The following UNC5D variants were observed in gnomAD, a reference collection of about 807,000 sequenced individuals.
UNC5D encodes the protein netrin receptor UNC5D.
Under a neutral mutation model 105.4 loss-of-function variants are expected in UNC5D, and 39 were observed. The ratio of observed to expected loss-of-function variants is 0.37; its 90% CI spans 0.29 to 0.48. The LOEUF (loss-of-function observed/expected upper bound fraction) is 0.48, where lower values mean the gene tolerates loss of function less well. Ranked by LOEUF, UNC5D falls within the 20% of genes least tolerant of loss-of-function variation. The pLI, the probability that UNC5D is intolerant of heterozygous loss-of-function variation, is 0.98. For synonymous variants in UNC5D, 452 were observed against 450.4 expected, an observed-to-expected ratio of 1.00 and a Z score of -0.04; for missense variants, 991 against 1,202.4, an observed-to-expected ratio of 0.82 and a Z score of 2.60.
intron 1 of UNC5D, among the ~76,000 whole-genome samples, chr8:35,487,142 C>A (rs917370113): frequency 2.0e-5 from 3 of 152,174 alleles, no homozygotes; most frequent in African/African-American, 7.2e-5. Flanking sequence ...ACCATGGCTG[C>A]TGATCTTGTA....
At chr8:35,779,699 G>A (rs183942005) in intron 16 of UNC5D, among the ~76,000 whole-genome samples, 16 of 152,188 alleles carry the variant, frequency 1.1e-4, no homozygotes, top group Admixed American at 1.3e-4. Context: ...CAAGTAATCC[G>A]CCTGCCTCGG....
At chr8:35,752,760 A>G (rs1220358757) in intron 13 of UNC5D, among the ~76,000 whole-genome samples, 1 of 152,220 alleles carries the variant, frequency 6.6e-6, no homozygotes, top group African/African-American at 2.4e-5. Context: ...CACTACTACT[A>G]CTAACCAGTT....
chr8:35,260,920 G>A (rs1804448454), intron 1 of UNC5D, among the ~76,000 whole-genome samples: 1 of 152,148 alleles, frequency 6.6e-6, no homozygotes, highest in South Asian at 2.1e-4. Context: ...ACTGATGACT[G>A]TTTCCAGAAT....
chr8:35,347,328 C>T (rs777825037), intron 1 of UNC5D, among the ~76,000 whole-genome samples: 1 of 151,838 alleles, frequency 6.6e-6, no homozygotes, highest in South Asian at 2.1e-4. Context: ...GCTTTATAGC[C>T]CAACCAAACT....
rs75946894 is a variant in UNC5D, at chr8:35,431,115, A to C, written c.104-118177A>C. Reference sequence around the variant, plus strand: ...TGTTAACCAATTGTTATAAACTGTTAATAAGATAAACCAGGAATCTTTATT... The same window carrying C: ...TGTTAACCAATTGTTATAAACTGTTCATAAGATAAACCAGGAATCTTTATT... On this transcript the variant is annotated intron_variant, in intron 1 of 16. Transcript: ENST00000404895. Among the ~76,000 whole-genome samples the C allele has an allele frequency of 1.5e-4, 23 of 152,336 alleles. No individual in the cohort carries two copies. In the East Asian group the frequency reaches 4.2e-3, roughly 28 times the overall value.
chr8:35,676,806 AGC>A (rs1825258510), intron 4 of UNC5D, among the ~76,000 whole-genome samples: 2 of 152,120 alleles, frequency 1.3e-5, no homozygotes, highest in African/African-American at 4.8e-5. Context: ...TAGGGCATTG[AGC>A]TCCTCTTTGT....
At chr8:35,267,082 ATT>A (rs36035512) in intron 1 of UNC5D, among the ~76,000 whole-genome samples, 37 of 137,184 alleles carry the variant, frequency 2.7e-4, no homozygotes, top group Admixed American at 2.9e-4. Flanking sequence ...ACAGGGACTG[ATT>A]TTTTTTTTTT....
At chr8:35,333,792 A>C (rs1810818019) in intron 1 of UNC5D, among the ~76,000 whole-genome samples, 1 of 152,112 alleles carries the variant, frequency 6.6e-6, no homozygotes, top group Non-Finnish European at 1.5e-5. Context: ...TGTTTGTTTT[A>C]ATCATGATTT....
In UNC5D at chr8:35,792,608, G is replaced by A. The variant is rs370124433; in HGVS notation, c.*2045G>A. ...TAGAATTTCTGAAAGAGAAAGAGAAGTAGATGGTCAACCAGTCACTAGTTG... is the reference window on the plus strand; with the variant it reads ...TAGAATTTCTGAAAGAGAAAGAGAAATAGATGGTCAACCAGTCACTAGTTG... On this transcript the variant is annotated 3_prime_UTR_variant, in exon 17 of 17. Coordinates refer to ENST00000404895, the MANE Select transcript of UNC5D (RefSeq NM_080872.4). The A allele has an allele frequency of 6.4e-6, 1 of 156,380 alleles. No individual in the cohort carries two copies. The highest frequency in any genetic ancestry group is 1.4e-5 in the Non-Finnish European group (1 of 71,064). The allele number at this position is 156,380 out of a possible 1,614,324, so 9.7% of individuals were successfully genotyped here. A position where few individuals can be genotyped will look rare whatever the true frequency, so the allele number is the denominator to read the frequency against.
At chr8:35,586,853 C>T (rs1295140387) in intron 3 of UNC5D, among the ~76,000 whole-genome samples, 4 of 152,038 alleles carry the variant, frequency 2.6e-5, no homozygotes, top group Non-Finnish European at 4.4e-5. Flanking sequence ...TTGAATGAGC[C>T]GATAACTCCC....
chr8:35,463,612 C>G (rs1809062361), intron 1 of UNC5D, among the ~76,000 whole-genome samples: 3 of 147,716 alleles, frequency 2.0e-5, no homozygotes, highest in Admixed American at 2.0e-4. Flanking sequence ...AAGACCCTAT[C>G]TCTATCAAAA....
At chr8:35,770,636 T>C (rs1034595411) in intron 15 of UNC5D, among the ~76,000 whole-genome samples, 1 of 152,188 alleles carries the variant, frequency 6.6e-6, no homozygotes, top group Admixed American at 6.5e-5. Context: ...CAGACTGGAA[T>C]AAAACAATTT....
At chr8:35,501,627 T>C (rs1483482648) in intron 1 of UNC5D, among the ~76,000 whole-genome samples, 2 of 152,220 alleles carry the variant, frequency 1.3e-5, no homozygotes, top group Non-Finnish European at 2.9e-5. Flanking sequence ...CTGAGTAGTT[T>C]GTATCTTTTA....
At chr8:35,599,280 T>C (rs975025056) in intron 4 of UNC5D, among the ~76,000 whole-genome samples, 2 of 151,836 alleles carry the variant, frequency 1.3e-5, no homozygotes, top group African/African-American at 4.8e-5. Flanking sequence ...GAGAGGACTA[T>C]GTTTATTGGT....
intron 1 of UNC5D, among the ~76,000 whole-genome samples, chr8:35,303,154 C>T (rs1037242675): frequency 2.6e-5 from 4 of 151,754 alleles, no homozygotes; most frequent in Non-Finnish European, 5.9e-5. Flanking sequence ...GAAATCAGTG[C>T]CTATTTCTAC....
In UNC5D at chr8:35,607,186, G is replaced by A. The variant is rs553354558; in HGVS notation, c.570+11529G>A. Among the ~76,000 whole-genome samples, 3 of 152,258 alleles carry A rather than the reference G, an allele frequency of 2.0e-5. No homozygotes were observed. The South Asian group carries it at 6.2e-4, about 32-fold the overall frequency. ...ATGTCAGTGAAAAAAATATTTGGGA[G>A]AGCTGTGGAACGAGGGAACAAAATA... On this transcript the variant is annotated intron_variant, in intron 4 of 16. Coordinates refer to ENST00000404895, the MANE Select transcript of UNC5D (RefSeq NM_080872.4).
intron 1 of UNC5D, among the ~76,000 whole-genome samples, chr8:35,265,395 T>C (rs981227309): frequency 6.6e-6 from 1 of 152,144 alleles, no homozygotes; most frequent in Non-Finnish European, 1.5e-5. Flanking sequence ...TCATGAGTTC[T>C]CTATTACCAG....
intron 7 of UNC5D, among the ~76,000 whole-genome samples, chr8:35,690,862 T>C (rs528013821): frequency 6.6e-6 from 1 of 152,216 alleles, no homozygotes; most frequent in South Asian, 2.1e-4. Context: ...TATTACAATT[T>C]GGGAATTTTC....
In UNC5D at chr8:35,235,909, C is replaced by CT. The variant is rs1563238856; in HGVS notation, c.103+22_103+23insT. On this transcript the variant is annotated intron_variant, in intron 1 of 16. Coordinates refer to ENST00000404895, the MANE Select transcript of UNC5D (RefSeq NM_080872.4). ...CGAGGTAAGCGCTGGGCGGAGCGGG[C>CT]AGCTGGGGGCGAGGGCGCAGGGGCG... The CT allele has an allele frequency of 3.0e-4, 372 of 1,226,710 alleles. 6 individuals carry two copies. In the East Asian group the frequency reaches 9.3e-3, roughly 31 times the overall value. 76.0% of individuals were successfully genotyped at this position (1,226,710 alleles called of 1,614,324 possible).
Sources: allele counts gnomAD v4.1 joint callset (sites outside exome capture counted in the v4.1 genomes callset), GRCh38; gene constraint gnomAD v4.1.1; transcripts MANE v1.5; gene names NCBI Gene and HGNC (gene_info 2026-07-23, HGNC 2026-07-21).